The following MIA2 variants were observed in gnomAD, a reference collection of about 807,000 sequenced individuals.
The protein encoded by MIA2 is MIA SH3 domain ER export factor 2, also known as melanoma inhibitory activity protein 2.
Under a neutral mutation model 167.8 loss-of-function variants are expected in MIA2, and 127 were observed. That is an observed-to-expected ratio of 0.76 (90% CI 0.66 to 0.88). The LOEUF (loss-of-function observed/expected upper bound fraction) is 0.88, where lower values mean the gene tolerates loss of function less well. MIA2 is among the 40% of genes least tolerant of loss of function. The pLI, the probability that MIA2 is intolerant of heterozygous loss-of-function variation, is 0.00. For missense variants in MIA2, 1,690 were observed against 1,624.7 expected, an observed-to-expected ratio of 1.04 and a Z score of -0.69; for synonymous variants, 552 against 541.9, an observed-to-expected ratio of 1.02 and a Z score of -0.26.
At chr14:39,371,042 CTT>C (rs1196996396) in intron 23 of MIA2, among the ~76,000 whole-genome samples, 4 of 151,976 alleles carry the variant, frequency 2.6e-5, no homozygotes, top group Admixed American at 6.5e-5. Context: ...TTTCCTGAAA[CTT>C]AATCCTCTAA....
intron 9 of MIA2, among the ~76,000 whole-genome samples, chr14:39,285,737 C>G (rs535031638): frequency 8.4e-6 from 1 of 118,500 alleles, no homozygotes; most frequent in African/African-American, 3.2e-5. Flanking sequence ...GGGCAGCTGC[C>G]GGGCGGAGGG....
chr14:39,238,484 A>C (rs574459501), intron 2 of MIA2, among the ~76,000 whole-genome samples: 1 of 152,152 alleles, frequency 6.6e-6, no homozygotes, highest in South Asian at 2.1e-4. Flanking sequence ...TAGGTGTATA[A>C]GTTTTTTATA....
Position 39,247,482 on chromosome 14 carries a change from A to G in MIA2, c.908A>G (p.Lys303Arg). ...GCATCTGAGTCAGAGCACATTCCCA[A>G]ACCTCAATCCACTGGTTGGTTTGGT... ...ELASESEHIP[K>R]PQSTGWFGGG... is the part of the protein sequence containing the mutation. The change falls in exon 4 of 29, where the codon AAA (lysine) becomes AGA (arginine). Residue 303 changes from lysine to arginine, a missense_variant. Coordinates refer to ENST00000640607, the MANE Select transcript of MIA2 (RefSeq NM_001329214.4). The G allele has an allele frequency of 3.1e-6, 5 of 1,613,990 alleles. No homozygotes were observed. Among genetic ancestry groups the G allele is most frequent in the Non-Finnish European group, 4.2e-6 (5 of 1,179,968 alleles).
At chr14:39,237,146 G>A (rs917020862) in intron 2 of MIA2, 91 bp downstream of exon 2, 2 of 1,412,104 alleles carry the variant, frequency 1.4e-6, no homozygotes, top group Non-Finnish European at 1.9e-6. Flanking sequence ...TTGGAAACAG[G>A]GCCTGGCTCT....
chr14:39,266,066 A>G, intron 6 of MIA2: 1 of 985,480 alleles, frequency 1.0e-6, no homozygotes, highest in Non-Finnish European at 1.2e-6. Flanking sequence ...GATTTTTTAA[A>G]TGGCATAACA....
chr14:39,300,795 A>G (rs971486782), intron 14 of MIA2, among the ~76,000 whole-genome samples: 2 of 151,720 alleles, frequency 1.3e-5, no homozygotes. Context: ...GTGCACGTGT[A>G]TCCCAGAACT....
At chr14:39,379,722 C>T (rs190315830) in intron 23 of MIA2, among the ~76,000 whole-genome samples, 2 of 152,056 alleles carry the variant, frequency 1.3e-5, no homozygotes, top group African/African-American at 2.4e-5. Flanking sequence ...CATGGTGGTG[C>T]GCACCTGTAA....
chr14:39,302,959 A>G (rs189596901), intron 15 of MIA2, among the ~76,000 whole-genome samples: 2 of 152,232 alleles, frequency 1.3e-5, no homozygotes, highest in East Asian at 1.9e-4. Flanking sequence ...CAAATTTATT[A>G]TGGAGGAAAA....
At chr14:39,300,918 A>G (rs1386644461) in intron 14 of MIA2, among the ~76,000 whole-genome samples, 1 of 123,508 alleles carries the variant, frequency 8.1e-6, no homozygotes, top group Non-Finnish European at 1.7e-5. Context: ...AATTTGGCAT[A>G]TATATATATA....
Position 39,302,191 on chromosome 14 carries a change from G to A in MIA2, c.2682G>A (p.Thr894=), listed in dbSNP as rs752273188. ...CTGCTATGCTTGGAGAAGACATAAC[G>A]GATGATGATAACTTGGAATTAGAAA... ...DWAAMLGEDI[T]DDDNLELEMN... Residue 894 remains threonine, a synonymous_variant, in exon 15 of 29, where the codon ACG becomes ACA. Coordinates refer to ENST00000640607, the MANE Select transcript of MIA2 (RefSeq NM_001329214.4). 29 of 1,613,730 alleles carry A rather than the reference G, an allele frequency of 1.8e-5. No individual in the cohort carries two copies. Among genetic ancestry groups the A allele is most frequent in the African/African-American group, 2.7e-5 (2 of 74,894 alleles).
At chr14:39,280,087 C>T (rs1303038874) in intron 9 of MIA2, among the ~76,000 whole-genome samples, 1 of 151,754 alleles carries the variant, frequency 6.6e-6, no homozygotes, top group Admixed American at 6.6e-5. Context: ...TTTTCCTGGG[C>T]GTGTCGAGTT....
chr14:39,283,480 A>G (rs775008304), intron 9 of MIA2, among the ~76,000 whole-genome samples: 5 of 152,168 alleles, frequency 3.3e-5, no homozygotes, highest in Non-Finnish European at 5.9e-5. Flanking sequence ...GAAGAAAACA[A>G]TGTTATTCAA....
intron 3 of MIA2, among the ~76,000 whole-genome samples, chr14:39,242,781 T>G (rs2054110250): frequency 6.6e-6 from 1 of 152,090 alleles, no homozygotes; most frequent in Middle Eastern, 3.4e-3. Flanking sequence ...ATCCAAGAAG[T>G]TTGCTGGGTA....
chr14:39,252,116 T>A (rs1216603847), intron 4 of MIA2, among the ~76,000 whole-genome samples: 1 of 152,130 alleles, frequency 6.6e-6, no homozygotes, highest in Non-Finnish European at 1.5e-5. Context: ...AATTCTTCCT[T>A]GGCTGAGGAA....
chr14:39,313,566 C>A, intron 19 of MIA2, 125 bp downstream of exon 19: 1 of 519,754 alleles, frequency 1.9e-6, no homozygotes, highest in South Asian at 2.8e-5. Flanking sequence ...GTGGTACAGA[C>A]AAAAAAATAA....
At chr14:39,309,915 C>G (rs1022454588) in intron 18 of MIA2, among the ~76,000 whole-genome samples, 2 of 148,962 alleles carry the variant, frequency 1.3e-5, no homozygotes, top group Admixed American at 6.8e-5. Context: ...TCTGAAGACT[C>G]TAGATTTTCA....
At chr14:39,330,152 T>A (rs2068490308) in intron 25 of MIA2, among the ~76,000 whole-genome samples, 1 of 152,224 alleles carries the variant, frequency 6.6e-6, no homozygotes, top group Non-Finnish European at 1.5e-5. Context: ...CAGAACTTGT[T>A]ACTGATCTAT....
At chr14:39,297,086 C>G (rs1310830728) in intron 13 of MIA2, among the ~76,000 whole-genome samples, 1 of 148,186 alleles carries the variant, frequency 6.7e-6, no homozygotes, top group East Asian at 2.0e-4. Context: ...TATTGGTGGG[C>G]TTTTCTATAG....
In MIA2 at chr14:39,279,618, T is replaced by G. The variant is rs150107086; in HGVS notation, c.2130+81T>G. 419 of 893,622 alleles carry G rather than the reference T, an allele frequency of 4.7e-4. No homozygotes were observed. In the African/African-American group the frequency reaches 6.5e-3, roughly 14 times the overall value. 55.4% of individuals were successfully genotyped at this position (893,622 alleles called of 1,614,324 possible). On this transcript the variant is annotated intron_variant, in intron 9 of 28. Transcript: ENST00000640607. ...CACTGTAGGTACTTCTGTGTAAATT[T>G]AAGATTATGAATGCTTTGTTTGCAG... is the stretch of plus-strand genomic sequence containing the variant.
Sources: gnomAD v4.1 joint callset for allele counts (sites outside exome capture counted in the v4.1 genomes callset) on GRCh38, gnomAD v4.1.1 for gene constraint, MANE v1.5 for transcripts, NCBI Gene and HGNC (gene_info 2026-07-23, HGNC 2026-07-21) for gene names.